CAMK4: variants seen among roughly 807,000 people sequenced by gnomAD.
The protein encoded by CAMK4 is calcium/calmodulin dependent protein kinase IV.
CAMK4 carries 22 observed loss-of-function variants against 44.9 expected under a neutral mutation model. The observed-to-expected ratio is 0.49, with a 90% confidence interval of 0.35 to 0.70. The LOEUF (loss-of-function observed/expected upper bound fraction) is 0.70, where lower values mean the gene tolerates loss of function less well. Among genes scored for constraint, CAMK4 ranks in the 30% least tolerant of loss-of-function variants. The pLI, the probability that CAMK4 is intolerant of heterozygous loss-of-function variation, is 0.01. For synonymous variants in CAMK4, 218 were observed against 215.4 expected, an observed-to-expected ratio of 1.01 and a Z score of -0.11; for missense variants, 498 against 586.8, an observed-to-expected ratio of 0.85 and a Z score of 1.56.
intron 7 of CAMK4, among the ~76,000 whole-genome samples, chr5:111,450,458 C>T (rs1275774641): frequency 6.6e-6 from 1 of 151,228 alleles, no homozygotes; most frequent in African/African-American, 2.4e-5. Context: ...CTTTTCCTGC[C>T]CTTACACCCA....
In CAMK4 at chr5:111,478,443, T is replaced by C; in HGVS notation, c.764T>C (p.Leu255Pro). Residue 255 changes from leucine to proline, a missense_variant, in exon 9 of 11, where the codon CTG becomes CCG. Around this residue, in one of 3 missense-constraint regions of CAMK4, gnomAD observed 203 missense variants for 298.2 expected, o/e 0.68. Transcript: ENST00000282356. ...RGDQFMFRRILNCEYYFISPW... is the reference protein window; with the variant it reads ...RGDQFMFRRIPNCEYYFISPW... The stretch of plus-strand genomic sequence containing the variant: ...GATCAGTTCATGTTCAGGAGAATTC[T>C]GAATTGTGAATATTACTTTATCTCC... The C allele has an allele frequency of 1.3e-6, 2 of 1,566,830 alleles. No individual in the cohort carries two copies. The highest frequency in any genetic ancestry group is 1.8e-6 in the Non-Finnish European group (2 of 1,139,742).
intron 1 of CAMK4, among the ~76,000 whole-genome samples, chr5:111,303,227 G>T (rs1296467577): frequency 1.7e-5 from 2 of 115,282 alleles, no homozygotes; most frequent in African/African-American, 3.7e-5. Flanking sequence ...CACCAGCAAC[G>T]GAACAAAGCT....
chr5:111,370,922 A>AAAACAG (rs1309453133), intron 2 of CAMK4, among the ~76,000 whole-genome samples: 2 of 151,780 alleles, frequency 1.3e-5, no homozygotes, highest in Non-Finnish European at 2.9e-5. Context: ...TCAAAAAACA[A>AAAACAG]AAACAAAAAC....
intron 5 of CAMK4, among the ~76,000 whole-genome samples, chr5:111,408,214 C>G (rs1038447177): frequency 3.9e-5 from 6 of 152,242 alleles, no homozygotes; most frequent in East Asian, 3.9e-4. Context: ...AAGTGTTTCC[C>G]TCTAAGGATG....
intron 1 of CAMK4, among the ~76,000 whole-genome samples, chr5:111,294,287 A>G (rs1397779800): frequency 6.6e-6 from 1 of 152,222 alleles, no homozygotes; most frequent in Non-Finnish European, 1.5e-5. Context: ...CATATTCACA[A>G]TGCTAAAAAT....
chr5:111,408,378 A>G (rs1156672702), intron 5 of CAMK4, among the ~76,000 whole-genome samples: 5 of 152,210 alleles, frequency 3.3e-5, no homozygotes, highest in African/African-American at 4.8e-5. Context: ...CATGTCTTAC[A>G]TGGTGACAGG....
chr5:111,310,461 G>C (rs1480152870), intron 1 of CAMK4, among the ~76,000 whole-genome samples: 2 of 152,188 alleles, frequency 1.3e-5, no homozygotes, highest in African/African-American at 4.8e-5. Flanking sequence ...TGTAAGTCAT[G>C]CTAAGAAATC....
chr5:111,375,502 A>G (rs1580670273), intron 3 of CAMK4, among the ~76,000 whole-genome samples: 1 of 152,250 alleles, frequency 6.6e-6, no homozygotes, highest in Non-Finnish European at 1.5e-5. Flanking sequence ...AGTTATTTTT[A>G]TGAATTAAGC....
Position 111,273,757 on chromosome 5 carries a change from A to T in CAMK4, c.161+49113A>T, listed in dbSNP as rs540656311. ...TACACACACACACGCTCACACACAC[A>T]TACACACACACATATATACACACAC... On this transcript the variant is annotated intron_variant, in intron 1 of 10. Transcript: ENST00000282356. 2.1e-5 allele frequency among the ~76,000 whole-genome samples: 3 copies of T among 144,660 alleles called. No individual in the cohort carries two copies. In the South Asian group the frequency reaches 6.6e-4, roughly 32 times the overall value. The allele number at this position is 144,660 out of a possible 152,430, so 94.9% of individuals were successfully genotyped here.
intron 1 of CAMK4, among the ~76,000 whole-genome samples, chr5:111,260,319 C>T (rs986877012): frequency 6.6e-6 from 1 of 152,182 alleles, no homozygotes; most frequent in African/African-American, 2.4e-5. Flanking sequence ...TCTGGCATTT[C>T]ATAGTCTTCA....
In CAMK4 at chr5:111,493,948, G is replaced by C. The variant is rs565502500; in HGVS notation, c.*9482G>C. 1 of 152,168 alleles carries C rather than the reference G, an allele frequency of 6.6e-6. No individual in the cohort carries two copies. Among genetic ancestry groups the C allele is most frequent in the Non-Finnish European group, 1.5e-5 (1 of 68,028 alleles). 9.4% of individuals were successfully genotyped at this position (152,168 alleles called of 1,614,324 possible). ...GAATTACTGTGAGGTTACAAAAATC[G>C]TAAGTTAGCAGACATTGAGAAAGGA... On this transcript the variant is annotated 3_prime_UTR_variant, in exon 11 of 11. Transcript: ENST00000282356. This position sits in a 1 kb window ranked among gnomAD's most constrained non-coding sequence, Gnocchi z 4.1.
intron 2 of CAMK4, among the ~76,000 whole-genome samples, chr5:111,353,233 A>C (rs1750188266): frequency 6.6e-6 from 1 of 151,912 alleles, no homozygotes; most frequent in African/African-American, 2.4e-5. Context: ...AAATAATCTC[A>C]TGTTTCCTCA....
intron 1 of CAMK4, among the ~76,000 whole-genome samples, chr5:111,269,572 A>G (rs1472751233): frequency 6.6e-6 from 1 of 152,130 alleles, no homozygotes; most frequent in Non-Finnish European, 1.5e-5. Context: ...CGTGACCTGC[A>G]GTTTGGGTAC....
chr5:111,357,105 T>G (rs1750395691), intron 2 of CAMK4, among the ~76,000 whole-genome samples: 1 of 152,082 alleles, frequency 6.6e-6, no homozygotes, highest in South Asian at 2.1e-4. Context: ...CAATTGGAAC[T>G]AAAGTGATTT....
intron 5 of CAMK4, among the ~76,000 whole-genome samples, chr5:111,406,850 A>G (rs1023567478): frequency 1.3e-5 from 2 of 152,320 alleles, no homozygotes; most frequent in South Asian, 2.1e-4. Flanking sequence ...CAAAAACTCA[A>G]TTAAAGTGCC....
chr5:111,254,400 C>T (rs940094657), intron 1 of CAMK4, among the ~76,000 whole-genome samples: 2 of 152,204 alleles, frequency 1.3e-5, no homozygotes, highest in Non-Finnish European at 2.9e-5. Flanking sequence ...CAGATGTCTG[C>T]ACAGAATCCC....
intron 2 of CAMK4, among the ~76,000 whole-genome samples, chr5:111,357,759 A>G (rs762656656): frequency 2.8e-4 from 43 of 152,138 alleles, no homozygotes; most frequent in Non-Finnish European, 5.9e-4. Flanking sequence ...TTAACGGTAA[A>G]GGAGCATAAT....
chr5:111,354,391 A>G (rs1414819027), intron 2 of CAMK4, among the ~76,000 whole-genome samples: 1 of 151,244 alleles, frequency 6.6e-6, no homozygotes, highest in African/African-American at 2.4e-5. Flanking sequence ...AATTAATAAC[A>G]CTGTGTTGGT....
chr5:111,224,280 T>TC, upstream of CAMK4: 1 of 606,198 alleles, frequency 1.6e-6, no homozygotes, highest in Non-Finnish European at 2.4e-6. The surrounding 1 kb of genome is among the most constrained non-coding windows in gnomAD (Gnocchi z 5.7). Flanking sequence ...GACTCCGGGT[T>TC]CCCCCTCGCG....
Sources: gnomAD v4.1 joint callset for allele counts (sites outside exome capture counted in the v4.1 genomes callset) on GRCh38, gnomAD v4.1.1 for gene constraint, gnomAD v4.1.1 regional missense constraint, Gnocchi (gnomAD v3.1) non-coding constraint, MANE v1.5 for transcripts, NCBI Gene and HGNC (gene_info 2026-07-23, HGNC 2026-07-21) for gene names.